MCM9: variants seen among roughly 807,000 people sequenced by gnomAD.
MCM9 encodes DNA helicase MCM9.
A neutral mutation model predicts 72.8 loss-of-function variants in MCM9; 55 were observed. The observed-to-expected ratio is 0.76, with a 90% CI of 0.61 to 0.95. The LOEUF (loss-of-function observed/expected upper bound fraction) is 0.95. MCM9 is among the 40% of genes least tolerant of loss of function. The pLI, the probability that MCM9 is intolerant of heterozygous loss-of-function variation, is 0.00. For synonymous variants in MCM9, 480 were observed against 503.4 expected (o/e 0.95, Z 0.62); for missense variants, 1,279 against 1,377.0 (o/e 0.93, Z 1.13).
chr6:118,817,689 T>C (rs1257918670), intron 13 of MCM9, among the ~76,000 whole-genome samples: 1 of 152,208 alleles, frequency 6.6e-6, no homozygotes, highest in Non-Finnish European at 1.5e-5. Context: ...GTATTTCTGG[T>C]TCTAGATCCT....
intron 1 of MCM9, among the ~76,000 whole-genome samples, chr6:118,933,523 A>G (rs957403685): frequency 6.0e-5 from 9 of 150,836 alleles, no homozygotes; most frequent in Non-Finnish European, 1.2e-4. Flanking sequence ...AAAAAAAGAG[A>G]GAAACACTTA....
chr6:118,889,929 T>C (rs1240701536), intron 8 of MCM9, among the ~76,000 whole-genome samples: 1 of 152,214 alleles, frequency 6.6e-6, no homozygotes, highest in Non-Finnish European at 1.5e-5. Context: ...CTTTTATTAA[T>C]GACGTGGAGC....
chr6:118,828,272 T>G, intron 10 of MCM9, 142 bp from the exon 11 acceptor site: 1 of 657,022 alleles, frequency 1.5e-6, no homozygotes, highest in South Asian at 2.0e-5. Context: ...CTTGTCTGCA[T>G]AGCATACAAT....
At chr6:118,830,692 T>G (rs574001380) in intron 9 of MCM9, among the ~76,000 whole-genome samples, 1 of 152,354 alleles carries the variant, frequency 6.6e-6, no homozygotes, top group East Asian at 1.9e-4. Flanking sequence ...AAAATACAAT[T>G]GCATATGACA....
At chr6:118,818,445 G>A (rs1773552652) in intron 13 of MCM9, among the ~76,000 whole-genome samples, 1 of 152,168 alleles carries the variant, frequency 6.6e-6, no homozygotes, top group South Asian at 2.1e-4. Context: ...TTGTAGATGT[G>A]TGGTGTTATT....
chr6:118,838,462 TTG>T (rs1775123939), intron 9 of MCM9, among the ~76,000 whole-genome samples: 2 of 151,596 alleles, frequency 1.3e-5, no homozygotes, highest in African/African-American at 2.4e-5. Flanking sequence ...CCCGGCTTTT[TTG>T]TATTTTTATT....
chr6:118,827,696 C>T lies in MCM9; in HGVS notation c.1732+231G>A, dbSNP rs148202496. Among the ~76,000 whole-genome samples the T allele has an allele frequency of 1.8e-3, 276 of 152,092 alleles. 1 individual carries two copies. Among genetic ancestry groups the T allele is most frequent in the South Asian group, 0.01 (49 of 4,796 alleles). On this transcript the variant is annotated intron_variant, in intron 11 of 13. Coordinates refer to ENST00000619706, the MANE Select transcript of MCM9 (RefSeq NM_017696.3). ...TGGTATATTAAGTTCTAGGAGGTCC[C>T]GAGATGGCACAAAGATTCCTCTTTC...
intron 8 of MCM9, among the ~76,000 whole-genome samples, chr6:118,865,891 C>T (rs1291500212): frequency 6.6e-6 from 1 of 152,174 alleles, no homozygotes; most frequent in Non-Finnish European, 1.5e-5. Context: ...CATCCAGCAG[C>T]TATCTCCCCA....
intron 8 of MCM9, among the ~76,000 whole-genome samples, chr6:118,867,461 C>T (rs1777288552): frequency 6.6e-6 from 1 of 152,188 alleles, no homozygotes; most frequent in Admixed American, 6.5e-5. Context: ...ACTACTCACT[C>T]ACTGACTAAT....
chr6:118,880,391 C>T (rs907645794), intron 8 of MCM9, among the ~76,000 whole-genome samples: 3 of 152,152 alleles, frequency 2.0e-5, no homozygotes, highest in African/African-American at 7.2e-5. Context: ...AGAATGTCCA[C>T]TTGTCAGGAT....
chr6:118,879,917 C>G (rs1018402368), intron 8 of MCM9, among the ~76,000 whole-genome samples: 2 of 151,190 alleles, frequency 1.3e-5, no homozygotes, highest in African/African-American at 2.4e-5. Flanking sequence ...GGTGGTGGGT[C>G]CCTGTAATCC....
At chr6:118,864,685 T>C (rs1056153059) in intron 8 of MCM9, among the ~76,000 whole-genome samples, 1 of 152,182 alleles carries the variant, frequency 6.6e-6, no homozygotes, top group African/African-American at 2.4e-5. Flanking sequence ...GAAGAGGATT[T>C]GTACTCACAT....
At chr6:118,925,286 G>A (rs150198255) in intron 3 of MCM9, among the ~76,000 whole-genome samples, 6 of 152,138 alleles carry the variant, frequency 3.9e-5, no homozygotes, top group Admixed American at 6.5e-5. Context: ...AGTATTTAGC[G>A]GTTCAAAAAC....
intron 9 of MCM9, among the ~76,000 whole-genome samples, chr6:118,852,159 T>C (rs1307680691): frequency 6.6e-6 from 1 of 152,198 alleles, no homozygotes; most frequent in East Asian, 1.9e-4. Flanking sequence ...AGGCATGTAT[T>C]TGTGCATCTA....
At chr6:118,843,897 G>T (rs2114633202) in intron 9 of MCM9, among the ~76,000 whole-genome samples, 1 of 148,584 alleles carries the variant, frequency 6.7e-6, no homozygotes, top group East Asian at 1.9e-4. Context: ...GAAAGCAAAA[G>T]CAGACATATT....
At chr6:118,838,752 C>T (rs1087573) in intron 9 of MCM9, among the ~76,000 whole-genome samples, 148,570 of 152,340 alleles carry the variant, frequency 0.98, 72,579 homozygotes, top group East Asian at 1. Flanking sequence ...TGTTGAATAT[C>T]GGCCCCCACT....
intron 8 of MCM9, chr6:118,908,417 T>C (rs1053913862): frequency 1.3e-5 from 2 of 152,156 alleles, no homozygotes; most frequent in Non-Finnish European, 2.9e-5. Context: ...AATTGGTTCA[T>C]TTGATTTCTA....
intron 8 of MCM9, among the ~76,000 whole-genome samples, chr6:118,881,993 A>G (rs1467431040): frequency 6.6e-6 from 1 of 152,182 alleles, no homozygotes; most frequent in Non-Finnish European, 1.5e-5. Context: ...AGGGGTAGAA[A>G]GCATTTCTTA....
intron 8 of MCM9, among the ~76,000 whole-genome samples, chr6:118,895,636 A>G (rs1779343972): frequency 6.6e-6 from 1 of 152,124 alleles, no homozygotes; most frequent in African/African-American, 2.4e-5. Context: ...CGTATTTTTA[A>G]TATCTTTAGT....
Sources: gnomAD v4.1 joint callset for allele counts (sites outside exome capture counted in the v4.1 genomes callset) on GRCh38, gnomAD v4.1.1 for gene constraint, MANE v1.5 for transcripts, NCBI Gene and HGNC (gene_info 2026-07-23, HGNC 2026-07-21) for gene names.